The following TAFA4 variants were observed in gnomAD, a reference collection of about 807,000 sequenced individuals.
TAFA4 encodes the protein chemokine-like protein TAFA-4.
Under a neutral mutation model 21.1 loss-of-function variants are expected in TAFA4, and 20 were observed. The ratio of observed to expected loss-of-function variants is 0.95; its 90% CI spans 0.67 to 1.38. TAFA4 has a LOEUF of 1.38. Among genes scored for constraint, TAFA4 ranks in the 40% most tolerant of loss-of-function variants. The pLI, the probability that TAFA4 is intolerant of heterozygous loss-of-function variation, is 0.00. For synonymous variants in TAFA4, 71 were observed against 67.4 expected (o/e 1.05, Z -0.26); for missense variants, 211 against 180.9 (o/e 1.17, Z -0.95).
intron 1 of TAFA4, among the ~76,000 whole-genome samples, chr3:68,909,566 C>T (rs1048273743): frequency 3.3e-5 from 5 of 152,108 alleles, no homozygotes; most frequent in Non-Finnish European, 1.5e-5. Context: ...TGGAGGAGCC[C>T]CAAGGAGCTG....
intron 3 of TAFA4, among the ~76,000 whole-genome samples, chr3:68,785,549 G>A (rs554514255): frequency 1.5e-4 from 23 of 152,292 alleles, no homozygotes; most frequent in South Asian, 1.4e-3. Context: ...AGGGCCGGCC[G>A]GCCGCTCCTA....
chr3:68,849,370 C>T (rs141031905), intron 3 of TAFA4, among the ~76,000 whole-genome samples: 1 of 152,276 alleles, frequency 6.6e-6, no homozygotes, highest in East Asian at 1.9e-4. Flanking sequence ...ATCGCCCAGG[C>T]TTCATGAGAT....
chr3:68,849,282 C>A (rs1289093816), intron 3 of TAFA4, among the ~76,000 whole-genome samples: 1 of 152,036 alleles, frequency 6.6e-6, no homozygotes. Flanking sequence ...AGGTTTATAC[C>A]CCCTTCCTTT....
intron 3 of TAFA4, among the ~76,000 whole-genome samples, chr3:68,757,358 C>T (rs1702677339): frequency 6.6e-6 from 1 of 152,098 alleles, no homozygotes; most frequent in Admixed American, 6.5e-5. Context: ...TTATCACCAC[C>T]TCACAGGCCC....
At chr3:68,761,916 G>T (rs1378196718) in intron 3 of TAFA4, among the ~76,000 whole-genome samples, 1 of 152,112 alleles carries the variant, frequency 6.6e-6, no homozygotes, top group African/African-American at 2.4e-5. Flanking sequence ...TTTCGGGTTT[G>T]AACAAGAATG....
intron 3 of TAFA4, among the ~76,000 whole-genome samples, chr3:68,840,851 TAACC>T (rs1704645856): frequency 6.6e-6 from 1 of 152,210 alleles, no homozygotes; most frequent in Non-Finnish European, 1.5e-5. Context: ...ATGGCTAGAC[TAACC>T]AACCACTCTT....
At chr3:68,810,891 T>C (rs886634434) in intron 3 of TAFA4, among the ~76,000 whole-genome samples, 6 of 152,036 alleles carry the variant, frequency 3.9e-5, no homozygotes, top group African/African-American at 1.4e-4. Flanking sequence ...GGGTCCCTAA[T>C]CCCCGAGTAG....
At chr3:68,811,206 T>C (rs923343485) in intron 3 of TAFA4, among the ~76,000 whole-genome samples, 4 of 152,062 alleles carry the variant, frequency 2.6e-5, no homozygotes, top group African/African-American at 9.7e-5. Flanking sequence ...GGGTAGATAA[T>C]ACCACAAAGA....
At chr3:68,881,174 C>T (rs754600196) in intron 2 of TAFA4, among the ~76,000 whole-genome samples, 7 of 152,168 alleles carry the variant, frequency 4.6e-5, no homozygotes, top group Non-Finnish European at 1.0e-4. Context: ...AAAAGCAACA[C>T]ACTTAGAGCC....
intron 1 of TAFA4, among the ~76,000 whole-genome samples, chr3:68,909,779 A>C (rs2089941407): frequency 6.6e-6 from 1 of 152,206 alleles, no homozygotes; most frequent in Non-Finnish European, 1.5e-5. Context: ...GCACTTAGTG[A>C]CTTCAAGTAA....
At chr3:68,825,132 T>G (rs1704198926) in intron 3 of TAFA4, among the ~76,000 whole-genome samples, 1 of 152,150 alleles carries the variant, frequency 6.6e-6, no homozygotes, top group South Asian at 2.1e-4. Context: ...TCCCTCTCCG[T>G]GCTGCCTCAC....
chr3:68,733,279 GACCTCAC>G, intron 5 of TAFA4, 126 bp from the exon 6 acceptor site: 1 of 1,197,500 alleles, frequency 8.4e-7, no homozygotes, highest in Non-Finnish European at 1.1e-6. Flanking sequence ...ACCTATAACC[GACCTCAC>G]CAAATCAACA....
intron 3 of TAFA4, among the ~76,000 whole-genome samples, chr3:68,818,046 T>A (rs922637258): frequency 6.6e-6 from 1 of 152,192 alleles, no homozygotes; most frequent in African/African-American, 2.4e-5. Context: ...CCAATAGAAG[T>A]CTGTTTTGCC....
At chr3:68,742,759 G>A (rs1220438421) in intron 4 of TAFA4, among the ~76,000 whole-genome samples, 13 of 152,024 alleles carry the variant, frequency 8.6e-5, no homozygotes, top group South Asian at 2.1e-4. Flanking sequence ...GTACTTCATC[G>A]AAATGAAAAA....
At chr3:68,763,512 T>C (rs1219055945) in intron 3 of TAFA4, among the ~76,000 whole-genome samples, 2 of 152,124 alleles carry the variant, frequency 1.3e-5, no homozygotes, top group African/African-American at 4.8e-5. Flanking sequence ...CTAATAGATA[T>C]TACAAGAAAA....
chr3:68,886,507 T>C (rs1271979146), intron 1 of TAFA4, among the ~76,000 whole-genome samples: 2 of 152,242 alleles, frequency 1.3e-5, no homozygotes, highest in South Asian at 2.1e-4. Flanking sequence ...CTCATCATAA[T>C]GAACTCCCCA....
At chr3:68,770,681 C>T (rs578131147) in intron 3 of TAFA4, among the ~76,000 whole-genome samples, 6 of 152,212 alleles carry the variant, frequency 3.9e-5, no homozygotes, top group South Asian at 2.1e-4. Context: ...AGGCACATGC[C>T]GGCTCTCAAG....
chr3:68,736,166 G>A (rs1702237742), intron 5 of TAFA4, among the ~76,000 whole-genome samples: 1 of 151,944 alleles, frequency 6.6e-6, no homozygotes, highest in African/African-American at 2.4e-5. Flanking sequence ...TTGCTAAGAA[G>A]ATATCATACC....
At chr3:68,904,078 A>C (rs952130408) in intron 1 of TAFA4, among the ~76,000 whole-genome samples, 2 of 152,164 alleles carry the variant, frequency 1.3e-5, no homozygotes. Flanking sequence ...AAAAAAAAAA[A>C]AAACAATTTG....
Sources: gnomAD v4.1 joint callset for allele counts (sites outside exome capture counted in the v4.1 genomes callset) on GRCh38, gnomAD v4.1.1 for gene constraint, MANE v1.5 for transcripts, NCBI Gene and HGNC (gene_info 2026-07-23, HGNC 2026-07-21) for gene names.